GTF2F2: variants seen among roughly 807,000 people sequenced by gnomAD.
GTF2F2 encodes general transcription factor IIF subunit 2.
GTF2F2 carries 23 observed loss-of-function variants against 42.2 expected under a neutral mutation model. That is an observed-to-expected ratio of 0.55 (90% CI 0.39 to 0.77). GTF2F2 has a LOEUF of 0.77. GTF2F2 is among the 30% of genes least tolerant of loss of function. The pLI is 0.00. For missense variants in GTF2F2, 261 were observed against 287.2 expected (o/e 0.91, Z 0.66); for synonymous variants, 105 against 100.8 (o/e 1.04, Z -0.25).
intron 5 of GTF2F2, among the ~76,000 whole-genome samples, chr13:45,252,302 AT>A (rs991020259): frequency 7.4e-5 from 11 of 148,770 alleles, no homozygotes; most frequent in Admixed American, 2.0e-4. Flanking sequence ...TGCCTGGCTA[AT>A]TTTTTTTTTT....
In GTF2F2 at chr13:45,277,263, C is replaced by T. The variant is rs114365328; in HGVS notation, c.631-6179C>T. On this transcript the variant is annotated intron_variant, in intron 7 of 7. Transcript: ENST00000340473. ...TTATAAAGAAGAGATTTAATTGGCT[C>T]ATGGTTCTGCAGGCTGTACGGGAAG... 6.0e-3 allele frequency among the ~76,000 whole-genome samples: 908 copies of T among 152,288 alleles called. 11 individuals are homozygous for T. The highest frequency in any genetic ancestry group is 0.021 in the African/African-American group (869 of 41,560).
intron 5 of GTF2F2, among the ~76,000 whole-genome samples, chr13:45,218,504 A>G (rs1282129872): frequency 6.6e-6 from 1 of 152,236 alleles, no homozygotes; most frequent in Non-Finnish European, 1.5e-5. Flanking sequence ...ATTGTGCACT[A>G]TAAAACAGGC....
chr13:45,139,344 A>G (rs1314658924), intron 2 of GTF2F2, among the ~76,000 whole-genome samples: 1 of 152,162 alleles, frequency 6.6e-6, no homozygotes, highest in Non-Finnish European at 1.5e-5. Context: ...CAAAAAATGT[A>G]TTTACACACC....
At chr13:45,270,392 T>G (rs1206156600) in intron 7 of GTF2F2, among the ~76,000 whole-genome samples, 1 of 152,230 alleles carries the variant, frequency 6.6e-6, no homozygotes, top group African/African-American at 2.4e-5. Flanking sequence ...AATTTGTTTC[T>G]TAAAATTTTG....
chr13:45,209,856 G>A (rs1182379846), intron 5 of GTF2F2, among the ~76,000 whole-genome samples: 1 of 152,074 alleles, frequency 6.6e-6, no homozygotes, highest in Non-Finnish European at 1.5e-5. Flanking sequence ...CAAAACCATT[G>A]GTTTTTAGTT....
At chr13:45,273,672 T>TTTTTTTTTTTTTTTG (rs1415811432) in intron 7 of GTF2F2, among the ~76,000 whole-genome samples, 1 of 148,922 alleles carries the variant, frequency 6.7e-6, no homozygotes, top group African/African-American at 2.5e-5. Flanking sequence ...TTTTTTTTTT[T>TTTTTTTTTTTTTTTG]GAGACGGAGT....
intron 4 of GTF2F2, among the ~76,000 whole-genome samples, chr13:45,191,631 A>G (rs979471467): frequency 2.0e-5 from 3 of 152,138 alleles, no homozygotes; most frequent in Non-Finnish European, 4.4e-5. Context: ...ATTTGAATAT[A>G]TAAATCCAAG....
intron 1 of GTF2F2, among the ~76,000 whole-genome samples, chr13:45,127,938 CTTTTTTTTTTTTTTTTTTTTT>C (rs1161627204): frequency 1.2e-4 from 6 of 48,608 alleles, no homozygotes; most frequent in East Asian, 6.8e-4. Flanking sequence ...GCACCCCGGC[CTTTTTTTTTTTTTTTTTTTTT>C]TTTTTTTTTT....
intron 7 of GTF2F2, among the ~76,000 whole-genome samples, chr13:45,282,217 ATAAT>A (rs1222073612): frequency 1.3e-5 from 2 of 151,678 alleles, no homozygotes; most frequent in Non-Finnish European, 2.9e-5. Flanking sequence ...AATGATAATA[ATAAT>A]TAATATTATT....
intron 7 of GTF2F2, among the ~76,000 whole-genome samples, chr13:45,281,590 A>T (rs1877262379): frequency 6.6e-6 from 1 of 152,244 alleles, no homozygotes; most frequent in Non-Finnish European, 1.5e-5. Flanking sequence ...ACTTGTTAAA[A>T]TGCAGATTCC....
chr13:45,151,326 C>T (rs1870481444), intron 3 of GTF2F2, among the ~76,000 whole-genome samples: 3 of 152,080 alleles, frequency 2.0e-5, no homozygotes, highest in South Asian at 2.1e-4. Context: ...TTATTAGCCC[C>T]ATTATTCTGA....
chr13:45,262,539 C>T (rs1876384099), intron 6 of GTF2F2, among the ~76,000 whole-genome samples: 1 of 151,018 alleles, frequency 6.6e-6, no homozygotes, highest in South Asian at 2.1e-4. Flanking sequence ...GTGATCCTCC[C>T]ACCTCAGCCT....
intron 2 of GTF2F2, among the ~76,000 whole-genome samples, chr13:45,149,318 T>C (rs1034156370): frequency 1.3e-5 from 2 of 151,026 alleles, no homozygotes; most frequent in Admixed American, 6.6e-5. Context: ...TGGCATGCAC[T>C]TGTAGACCCA....
chr13:45,142,370 G>A (rs1470520275), intron 2 of GTF2F2, among the ~76,000 whole-genome samples: 1 of 152,110 alleles, frequency 6.6e-6, no homozygotes, highest in Admixed American at 6.5e-5. Context: ...GTTTCACCAT[G>A]TTGGCCAGGC....
chr13:45,194,751 C>T (rs1872808877), intron 4 of GTF2F2: 2 of 597,678 alleles, frequency 3.3e-6, no homozygotes, highest in Non-Finnish European at 6.0e-6. Context: ...TATGCAGGAG[C>T]TTTCTGGAGT....
At chr13:45,153,440 T>C (rs1870601614) in intron 4 of GTF2F2, among the ~76,000 whole-genome samples, 2 of 152,164 alleles carry the variant, frequency 1.3e-5, no homozygotes, top group South Asian at 4.1e-4. Flanking sequence ...AGTTATGTAG[T>C]TGAAGGTAGA....
intron 5 of GTF2F2, among the ~76,000 whole-genome samples, chr13:45,210,786 C>G (rs968349845): frequency 1.3e-5 from 2 of 152,072 alleles, no homozygotes; most frequent in South Asian, 2.1e-4. Context: ...GGACAGTGTG[C>G]TATAACTATT....
At chr13:45,213,973 G>A (rs1272061687) in intron 5 of GTF2F2, among the ~76,000 whole-genome samples, 1 of 152,084 alleles carries the variant, frequency 6.6e-6, no homozygotes, top group Non-Finnish European at 1.5e-5. Context: ...TATTTATGGA[G>A]GACTAGAAGA....
At chr13:45,127,068 C>A (rs1593442372) in intron 1 of GTF2F2, among the ~76,000 whole-genome samples, 1 of 152,178 alleles carries the variant, frequency 6.6e-6, no homozygotes, top group East Asian at 1.9e-4. Flanking sequence ...TCCTCTCCCT[C>A]CCTCTTTTGA....
Sources: allele counts gnomAD v4.1 joint callset (sites outside exome capture counted in the v4.1 genomes callset), GRCh38; gene constraint gnomAD v4.1.1; transcripts MANE v1.5; gene names NCBI Gene and HGNC (gene_info 2026-07-23, HGNC 2026-07-21).